The following KLB variants were observed in gnomAD, a reference collection of about 807,000 sequenced individuals.
The protein encoded by KLB is beta-klotho.
A neutral mutation model predicts 88.4 loss-of-function variants in KLB; 44 were observed. The observed-to-expected ratio is 0.50, with a 90% CI of 0.39 to 0.64. The LOEUF (loss-of-function observed/expected upper bound fraction) is 0.64, where lower values mean the gene tolerates loss of function less well. KLB is among the 30% of genes least tolerant of loss of function. The pLI, the probability that KLB is intolerant of heterozygous loss-of-function variation, is 0.00. For missense variants in KLB, 1,137 were observed against 1,304.8 expected (o/e 0.87, Z 1.98); for synonymous variants, 548 against 513.4 (o/e 1.07, Z -0.91).
chr4:39,438,013 A>C lies in KLB; in HGVS notation c.1605+18A>C, dbSNP rs373819681. On this transcript the variant is annotated intron_variant, in intron 3 of 4. Coordinates refer to ENST00000257408, the MANE Select transcript of KLB (RefSeq NM_175737.4). ...TTCTTAAGGTAAGTGGTTACTTCCA[A>C]ATTAACCATAAACTGGGAAAAACAG... The C allele has an allele frequency of 6.2e-7, 1 of 1,602,474 alleles. No homozygotes were observed. The highest frequency in any genetic ancestry group is 8.5e-7 in the Non-Finnish European group (1 of 1,173,660).
chr4:39,413,826 T>C (rs1742911885), intron 1 of KLB, among the ~76,000 whole-genome samples: 1 of 152,212 alleles, frequency 6.6e-6, no homozygotes, highest in Admixed American at 6.5e-5. Context: ...ATCTTTGTCT[T>C]TTACTAGTCA....
At chr4:39,440,294 G>A (rs568505745) in intron 3 of KLB, among the ~76,000 whole-genome samples, 13 of 151,838 alleles carry the variant, frequency 8.6e-5, no homozygotes, top group South Asian at 2.1e-4. Flanking sequence ...ACAGGTGCCC[G>A]CCACCACGCC....
intron 1 of KLB, among the ~76,000 whole-genome samples, chr4:39,408,348 C>T (rs1742771584): frequency 6.6e-6 from 1 of 151,984 alleles, no homozygotes; most frequent in African/African-American, 2.4e-5. Context: ...ACATTTCTTC[C>T]CATAAGAACT....
chr4:39,407,142 C>G lies in KLB; in HGVS notation c.193C>G (p.Pro65Ala), dbSNP rs34905034. Residue 65 changes from proline (P) to alanine (A), a missense_variant, in exon 1 of 5, where the codon CCT becomes GCT. Pro to Ala is a conservative substitution (Grantham distance 27, BLOSUM62 -1). Around this residue, in one of 4 missense-constraint regions of KLB, gnomAD observed 111 missense variants for 118.3 expected, o/e 0.94. Coordinates refer to ENST00000257408, the MANE Select transcript of KLB (RefSeq NM_175737.4). ...TGGAAGAGCTATATGGTCTAAAAATCCTAATTTTACTCCGGTAAATGAAAG... is the reference window on the plus strand; with the variant it reads ...TGGAAGAGCTATATGGTCTAAAAATGCTAATTTTACTCCGGTAAATGAAAG... The part of the protein sequence containing the change: ...GDGRAIWSKN[P>A]NFTPVNESQL... The G allele has an allele frequency of 2.3e-3, 3,705 of 1,614,098 alleles. 33 individuals are homozygous for G. In the African/African-American group the frequency reaches 0.023, roughly 10 times the overall value.
chr4:39,447,105 G>A lies in KLB; in HGVS notation c.2379G>A (p.Lys793=). ...CCATGAGGGAATACATTGCCTCCAA[G>A]CACCGACGGGGGCTTTCCAGCTCGG... The part of the protein sequence containing the change: ...PAAMREYIAS[K]HRRGLSSSAL... Residue 793 remains lysine, a synonymous_variant, in exon 4 of 5, where the codon AAG becomes AAA. Coordinates refer to ENST00000257408, the MANE Select transcript of KLB (RefSeq NM_175737.4). The A allele has an allele frequency of 6.2e-7, 1 of 1,613,388 alleles. No homozygotes were observed. The highest frequency in any genetic ancestry group is 8.5e-7 in the Non-Finnish European group (1 of 1,180,006).
chr4:39,428,007 A>G (rs1743257766), intron 1 of KLB, among the ~76,000 whole-genome samples: 1 of 152,214 alleles, frequency 6.6e-6, no homozygotes, highest in African/African-American at 2.4e-5. Flanking sequence ...TAGCACCTTT[A>G]TATCATTCTC....
intron 1 of KLB, among the ~76,000 whole-genome samples, chr4:39,422,654 C>T (rs753834783): frequency 2.0e-5 from 3 of 152,106 alleles, no homozygotes; most frequent in Non-Finnish European, 2.9e-5. Flanking sequence ...TGTTCTGTTA[C>T]ATTCAGTTAT....
At chr4:39,435,411 C>A (rs1179727620) in intron 2 of KLB, among the ~76,000 whole-genome samples, 1 of 152,104 alleles carries the variant, frequency 6.6e-6, no homozygotes, top group Non-Finnish European at 1.5e-5. Flanking sequence ...AGCCACCGCA[C>A]CCAGCCTGAA....
At chr4:39,429,134 C>G (rs1012459501) in intron 1 of KLB, among the ~76,000 whole-genome samples, 2 of 152,166 alleles carry the variant, frequency 1.3e-5, no homozygotes, top group Non-Finnish European at 2.9e-5. Context: ...ATTTAATAGT[C>G]TATTAAATAG....
rs547291697 is a variant in KLB, at chr4:39,413,734, A to T, written c.825+5960A>T. Reference sequence around the variant, plus strand: ...GCAAAAACCTGTCTCAGGAAAAAAAAAAAATAAATAAAATAAAATAAAATA... The same window carrying T: ...GCAAAAACCTGTCTCAGGAAAAAAATAAAATAAATAAAATAAAATAAAATA... On this transcript the variant is annotated intron_variant, in intron 1 of 4. Transcript: ENST00000257408. Among the ~76,000 whole-genome samples the T allele has an allele frequency of 1.3e-3, 190 of 150,240 alleles. 1 individual carries two copies. The highest frequency in any genetic ancestry group is 4.5e-3 in the African/African-American group (180 of 39,784).
At chr4:39,417,789 T>G (rs7674434) in intron 1 of KLB, among the ~76,000 whole-genome samples, 48,040 of 152,030 alleles carry the variant, frequency 0.32, 8,317 homozygotes, top group African/African-American at 0.46. Context: ...ATTATCTCAT[T>G]TAATTCACTC....
At chr4:39,436,038 C>T (rs775060951) in intron 2 of KLB, among the ~76,000 whole-genome samples, 2 of 152,192 alleles carry the variant, frequency 1.3e-5, no homozygotes, top group African/African-American at 2.4e-5. Flanking sequence ...TTTTGGCCCC[C>T]ACTTAGCCCC....
At chr4:39,419,121 A>C (rs1156950692) in intron 1 of KLB, among the ~76,000 whole-genome samples, 9 of 152,092 alleles carry the variant, frequency 5.9e-5, no homozygotes, top group Non-Finnish European at 4.4e-5. Context: ...TAAAAAAAAA[A>C]CTTTTTCAAC....
chr4:39,444,152 C>T (rs1437009459), intron 3 of KLB, among the ~76,000 whole-genome samples: 6 of 152,134 alleles, frequency 3.9e-5, no homozygotes, highest in African/African-American at 7.2e-5. Context: ...AACAAAACTC[C>T]GTCTCAAATA....
chr4:39,434,127 A>G, intron 1 of KLB, 83 bp from the exon 2 acceptor site: 1 of 1,276,580 alleles, frequency 7.8e-7, no homozygotes, highest in Non-Finnish European at 1.1e-6. Flanking sequence ...CATTAATTTT[A>G]TCCATGAAAA....
intron 3 of KLB, among the ~76,000 whole-genome samples, chr4:39,443,267 A>T (rs1162499424): frequency 1.3e-5 from 2 of 152,014 alleles, no homozygotes; most frequent in Admixed American, 6.6e-5. Context: ...TCACTCCTGT[A>T]ATCCCAGCAC....
At chr4:39,418,674 A>T (rs1743013839) in intron 1 of KLB, among the ~76,000 whole-genome samples, 1 of 151,722 alleles carries the variant, frequency 6.6e-6, no homozygotes, top group South Asian at 2.1e-4. Flanking sequence ...CAGGCCGGGC[A>T]CAGTGACTCA....
chr4:39,446,845 G>A lies in KLB; in HGVS notation c.2119G>A (p.Asp707Asn), dbSNP rs200502261. Reference sequence around the variant, plus strand: ...TGACATCTACAACCGCTCTGGCAACGACACCTACGGGGCGGCGCACAACCT... The same window carrying A: ...TGACATCTACAACCGCTCTGGCAACAACACCTACGGGGCGGCGCACAACCT... ...LSDIYNRSGNDTYGAAHNLLV... is the reference protein window; with the variant it reads ...LSDIYNRSGNNTYGAAHNLLV... The change falls in exon 4 of 5, where the codon GAC becomes AAC. Residue 707 changes from aspartate (D) to asparagine (N), a missense_variant. Physicochemically the swap from Asp to Asn is conservative, Grantham distance 23. This residue lies in a region of KLB where 597 missense variants were observed against 765.2 expected (regional missense o/e 0.78). Coordinates refer to ENST00000257408, the MANE Select transcript of KLB (RefSeq NM_175737.4). This position sits in a 1 kb window ranked among gnomAD's most constrained non-coding sequence, Gnocchi z 6.4. The A allele has an allele frequency of 1.1e-4, 179 of 1,611,880 alleles. 1 individual carries two copies. Among genetic ancestry groups the A allele is most frequent in the Non-Finnish European group, 1.4e-4 (168 of 1,179,980 alleles).
chr4:39,422,959 G>GTTTCACCATGTTGGCCAGGC (rs1743122230), intron 1 of KLB, among the ~76,000 whole-genome samples: 1 of 151,598 alleles, frequency 6.6e-6, no homozygotes, highest in Non-Finnish European at 1.5e-5. Context: ...TAGAGACAGG[G>GTTTCACCATGTTGGCCAGGC]TTTCACCATG....
Sources: gnomAD v4.1 joint callset for allele counts (sites outside exome capture counted in the v4.1 genomes callset) on GRCh38, gnomAD v4.1.1 for gene constraint, gnomAD v4.1.1 regional missense constraint, Gnocchi (gnomAD v3.1) non-coding constraint, MANE v1.5 for transcripts, NCBI Gene and HGNC (gene_info 2026-07-23, HGNC 2026-07-21) for gene names.